EHMT1: variants seen among roughly 807,000 people sequenced by gnomAD.
The protein encoded by EHMT1 is euchromatic histone lysine methyltransferase 1, also known as histone-lysine N-methyltransferase EHMT1.
In EHMT1, 15 loss-of-function variants were observed where a neutral mutation model predicts 147.2. The observed-to-expected ratio is 0.10, with a 90% CI of 0.07 to 0.16. The LOEUF (loss-of-function observed/expected upper bound fraction) is 0.16, where lower values mean the gene tolerates loss of function less well. Ranked by LOEUF, EHMT1 falls within the 10% of genes least tolerant of loss-of-function variation. EHMT1 has a pLI of 1.00. For synonymous variants in EHMT1, 795 were observed against 709.6 expected, an observed-to-expected ratio of 1.12 and a Z score of -1.91; for missense variants, 1,587 against 1,772.4, an observed-to-expected ratio of 0.90 and a Z score of 1.88.
rs1381987794 is a variant in EHMT1, at chr9:137,649,110, A to C, written c.21+30061A>C. ...CACATTCCCCTGTGACTTCAGAAAT[A>C]GTGTTCTCCCAAATTCAGATCCACC... On this transcript the variant is annotated intron_variant, in intron 1 of 26. Coordinates refer to ENST00000460843, the MANE Select transcript of EHMT1 (RefSeq NM_024757.5). Among the ~76,000 whole-genome samples the C allele has an allele frequency of 2.6e-5, 4 of 152,260 alleles. No individual in the cohort carries two copies. In the East Asian group the frequency reaches 5.8e-4, roughly 22 times the overall value.
chr9:137,809,873 G>A (rs956924518), intron 18 of EHMT1, among the ~76,000 whole-genome samples: 12 of 151,086 alleles, frequency 7.9e-5, no homozygotes, highest in Admixed American at 3.3e-4. Context: ...TGTGTGGACC[G>A]TCGGTGATGG....
At chr9:137,798,356 C>T (rs1232529753) in intron 16 of EHMT1, among the ~76,000 whole-genome samples, 3 of 151,836 alleles carry the variant, frequency 2.0e-5, no homozygotes, top group Admixed American at 2.0e-4. Context: ...GAGCTGTGAT[C>T]GCACCACTGC....
intron 1 of EHMT1, among the ~76,000 whole-genome samples, chr9:137,664,563 ACT>A (rs1939431129): frequency 1.3e-5 from 2 of 150,358 alleles, no homozygotes; most frequent in African/African-American, 4.9e-5. Context: ...CTGGCCCGAT[ACT>A]CTCATTGACA....
intron 24 of EHMT1, 72 bp downstream of exon 24, chr9:137,817,597 C>G (rs1955023646): frequency 1.9e-6 from 3 of 1,587,220 alleles, no homozygotes; most frequent in Non-Finnish European, 2.6e-6. Flanking sequence ...GTCTGTACTT[C>G]AGGAAGCCCC....
chr9:137,631,985 ACG>A lies in EHMT1; in HGVS notation c.21+12938_21+12939del, dbSNP rs950917130. On this transcript the variant is annotated intron_variant, in intron 1 of 26. Coordinates refer to ENST00000460843, the MANE Select transcript of EHMT1 (RefSeq NM_024757.5). The stretch of plus-strand genomic sequence containing the variant: ...AGTGCACTGCCTTTTCTGTGTTCAG[ACG>A]CACATGTGTCATTGTGTTGCACTTA... 5.6e-3 allele frequency among the ~76,000 whole-genome samples: 858 copies of A among 152,266 alleles called. 9 individuals are homozygous for A. Among genetic ancestry groups the A allele is most frequent in the African/African-American group, 0.019 (770 of 41,538 alleles).
At chr9:137,736,859 C>T (rs999459320) in intron 4 of EHMT1, among the ~76,000 whole-genome samples, 2 of 152,006 alleles carry the variant, frequency 1.3e-5, no homozygotes, top group Non-Finnish European at 2.9e-5. Flanking sequence ...CCACTGCACT[C>T]CAGCCTGGGT....
rs190606641 is a variant in EHMT1 at position 137,634,741 on chromosome 9, C to T, written c.21+15692C>T. On this transcript the variant is annotated intron_variant, in intron 1 of 26. Coordinates refer to ENST00000460843, the MANE Select transcript of EHMT1 (RefSeq NM_024757.5). ...TTTTTTTGACAGAGTCTCTCTCTAT[C>T]GCCCAGGCTGGAGTGCCGTGGTGCG... is the stretch of plus-strand genomic sequence containing the variant. Among the ~76,000 whole-genome samples the T allele has an allele frequency of 2.1e-4, 29 of 140,318 alleles. No individual in the cohort carries two copies. In the East Asian group the frequency reaches 5.4e-3, roughly 26 times the overall value. 92.1% of individuals were successfully genotyped at this position (140,318 alleles called of 152,430 possible).
chr9:137,822,912 C>T (rs1292130221), intron 25 of EHMT1, among the ~76,000 whole-genome samples: 2 of 142,080 alleles, frequency 1.4e-5, no homozygotes, highest in African/African-American at 6.2e-5. Context: ...AAAAAAAAGC[C>T]TGTTTTTTGT....
At chr9:137,789,430 T>C (rs1217957317) in intron 15 of EHMT1, among the ~76,000 whole-genome samples, 4 of 152,386 alleles carry the variant, frequency 2.6e-5, no homozygotes, top group African/African-American at 9.6e-5. Context: ...CCACAGCTCC[T>C]CTGCACAGCA....
intron 10 of EHMT1, 145 bp downstream of exon 10, chr9:137,762,965 G>C: frequency 9.7e-7 from 1 of 1,026,816 alleles, no homozygotes; most frequent in East Asian, 2.6e-5. Flanking sequence ...AACCAATCGA[G>C]CAGATCCCAA....
chr9:137,704,064 G>A (rs556677774), intron 1 of EHMT1, among the ~76,000 whole-genome samples: 4 of 152,124 alleles, frequency 2.6e-5, no homozygotes, highest in Non-Finnish European at 5.9e-5. Context: ...GAGAGCAAAG[G>A]GGGAAGTGCC....
intron 3 of EHMT1, among the ~76,000 whole-genome samples, chr9:137,726,493 C>T (rs1260291361): frequency 6.6e-6 from 1 of 152,178 alleles, no homozygotes; most frequent in Non-Finnish European, 1.5e-5. Flanking sequence ...GCGTTTTGCA[C>T]ACGACACTTT....
intron 1 of EHMT1, among the ~76,000 whole-genome samples, chr9:137,649,466 A>C (rs1243222231): frequency 6.8e-6 from 1 of 146,522 alleles, no homozygotes; most frequent in East Asian, 2.0e-4. Context: ...ACTCAAACAA[A>C]CAAACAAACA....
intron 1 of EHMT1, among the ~76,000 whole-genome samples, chr9:137,633,264 A>G (rs1194389139): frequency 3.9e-5 from 6 of 152,088 alleles, no homozygotes; most frequent in Non-Finnish European, 7.4e-5. Context: ...AAGAAGCAAA[A>G]TCAAGGATAA....
At chr9:137,724,962 C>A (rs1223011233) in intron 3 of EHMT1, among the ~76,000 whole-genome samples, 1 of 145,738 alleles carries the variant, frequency 6.9e-6, no homozygotes, top group African/African-American at 2.6e-5. Flanking sequence ...GTGTGGCATT[C>A]ATGGGGCATT....
intron 1 of EHMT1, among the ~76,000 whole-genome samples, chr9:137,658,894 G>A (rs538617014): frequency 1.3e-5 from 2 of 152,112 alleles, no homozygotes; most frequent in South Asian, 4.2e-4. Flanking sequence ...CAAAGTGCTG[G>A]GATTATAGGC....
intron 10 of EHMT1, among the ~76,000 whole-genome samples, chr9:137,766,348 C>T (rs910206213): frequency 2.6e-5 from 4 of 152,232 alleles, no homozygotes; most frequent in Non-Finnish European, 5.9e-5. Flanking sequence ...GGCACAGTGG[C>T]TTATGCCTGT....
At chr9:137,718,494 C>T (rs1945581931) in intron 3 of EHMT1, among the ~76,000 whole-genome samples, 1 of 152,184 alleles carries the variant, frequency 6.6e-6, no homozygotes, top group African/African-American at 2.4e-5. Flanking sequence ...CTTCACAGCC[C>T]TGTCAATTGG....
intron 17 of EHMT1, chr9:137,800,602 C>T (rs1953392006): frequency 2.0e-6 from 1 of 506,150 alleles, no homozygotes; most frequent in Non-Finnish European, 3.6e-6. Flanking sequence ...TGGTGCCCAA[C>T]TGGGAGCGGG....
Sources: gnomAD v4.1 joint callset for allele counts (sites outside exome capture counted in the v4.1 genomes callset) on GRCh38, gnomAD v4.1.1 for gene constraint, MANE v1.5 for transcripts, NCBI Gene and HGNC (gene_info 2026-07-23, HGNC 2026-07-21) for gene names.